AP2B1: variants seen among roughly 807,000 people sequenced by gnomAD.
The protein encoded by AP2B1 is AP-2 complex subunit beta.
In AP2B1, 23 loss-of-function variants were observed where a neutral mutation model predicts 102.0. That is an observed-to-expected ratio of 0.23 (90% CI 0.16 to 0.32). The LOEUF (loss-of-function observed/expected upper bound fraction) is 0.32. Among genes scored for constraint, AP2B1 ranks in the 10% least tolerant of loss-of-function variants. The pLI is 1.00. For missense variants in AP2B1, 541 were observed against 1,157.4 expected (o/e 0.47, Z 7.73); for synonymous variants, 381 against 421.2 (o/e 0.90, Z 1.17).
intron 21 of AP2B1, among the ~76,000 whole-genome samples, chr17:35,722,099 C>T (rs2085412571): frequency 6.6e-6 from 1 of 152,084 alleles, no homozygotes; most frequent in Admixed American, 6.5e-5. Flanking sequence ...AAAAAAATAG[C>T]TGGGTATGGT....
chr17:35,663,859 C>T (rs573499710), intron 14 of AP2B1, among the ~76,000 whole-genome samples: 416 of 152,302 alleles, frequency 2.7e-3, no homozygotes, highest in South Asian at 5.2e-3. Flanking sequence ...GAAGTGTGTT[C>T]ATTCATGAAG....
Position 35,605,726 on chromosome 17 carries a change from G to A in AP2B1, c.165G>A (p.Val55=). 6.2e-7 allele frequency: 1 copy of A among 1,613,168 alleles called. No individual in the cohort carries two copies. Among genetic ancestry groups the A allele is most frequent in the Non-Finnish European group, 8.5e-7 (1 of 1,179,554 alleles). ...TCAGTTCTCTCTTTCCAGACGTAGT[G>A]AACTGTATGCAGACTGACAATCTGG... The part of the protein sequence containing the change: ...KDVSSLFPDV[V]NCMQTDNLEL... The change falls in exon 4 of 22, where the codon GTG becomes GTA. Residue 55 remains valine, a synonymous_variant. Transcript: ENST00000610402.
intron 13 of AP2B1, among the ~76,000 whole-genome samples, chr17:35,653,436 A>G (rs2075139186): frequency 6.6e-6 from 1 of 152,170 alleles, no homozygotes; most frequent in Non-Finnish European, 1.5e-5. Context: ...TCTGACTGCC[A>G]GTCCCTTGGT....
At chr17:35,645,741 C>T (rs1234166872) in intron 12 of AP2B1, among the ~76,000 whole-genome samples, 4 of 151,988 alleles carry the variant, frequency 2.6e-5, no homozygotes, top group Non-Finnish European at 4.4e-5. Flanking sequence ...CCCAACTACT[C>T]GGGAGGCTGA....
At chr17:35,612,627 G>C (rs148573630) in intron 5 of AP2B1, among the ~76,000 whole-genome samples, 10 of 152,204 alleles carry the variant, frequency 6.6e-5, no homozygotes, top group African/African-American at 2.2e-4. Context: ...TTAAAGCAGA[G>C]GTTATTCCAT....
intron 5 of AP2B1, among the ~76,000 whole-genome samples, chr17:35,617,737 G>A (rs2074064408): frequency 6.6e-6 from 1 of 152,126 alleles, no homozygotes; most frequent in Non-Finnish European, 1.5e-5. Flanking sequence ...TAATTTGGCT[G>A]GGGAATACTT....
intron 14 of AP2B1, among the ~76,000 whole-genome samples, chr17:35,663,488 A>G (rs528935645): frequency 2.0e-5 from 3 of 152,306 alleles, no homozygotes; most frequent in East Asian, 1.9e-4. Flanking sequence ...TACACTTTAT[A>G]CTGTCCTATG....
At chr17:35,643,957 C>A (rs1001537837) in intron 12 of AP2B1, among the ~76,000 whole-genome samples, 4 of 152,200 alleles carry the variant, frequency 2.6e-5, no homozygotes, top group Non-Finnish European at 5.9e-5. Flanking sequence ...TTAACAATCT[C>A]CCATGGAAAC....
intron 1 of AP2B1, among the ~76,000 whole-genome samples, chr17:35,588,422 G>T (rs1180061517): frequency 2.6e-5 from 4 of 152,168 alleles, no homozygotes; most frequent in African/African-American, 9.7e-5. Context: ...GATTACAGGC[G>T]TGAGCCAGCG....
chr17:35,608,915 C>A (rs374456458), intron 5 of AP2B1, among the ~76,000 whole-genome samples: 26 of 152,108 alleles, frequency 1.7e-4, no homozygotes, highest in African/African-American at 6.3e-4. Flanking sequence ...TCCTTATTGA[C>A]ATTTTAAACT....
intron 18 of AP2B1, among the ~76,000 whole-genome samples, chr17:35,696,510 C>T (rs2076144643): frequency 1.3e-5 from 2 of 151,214 alleles, no homozygotes; most frequent in Non-Finnish European, 2.9e-5. Context: ...CAGGTTCAGC[C>T]TCCCGAGTAG....
chr17:35,683,855 C>T (rs1323600410), intron 18 of AP2B1, among the ~76,000 whole-genome samples: 4 of 152,148 alleles, frequency 2.6e-5, no homozygotes, highest in Non-Finnish European at 5.9e-5. Context: ...GGGCAGCTCC[C>T]TCAAAGAAAG....
intron 18 of AP2B1, among the ~76,000 whole-genome samples, chr17:35,705,068 T>C (rs1009126247): frequency 4.6e-5 from 7 of 152,032 alleles, no homozygotes; most frequent in Admixed American, 3.9e-4. Context: ...ATAAAAAAGG[T>C]ACAAAGCTGT....
chr17:35,607,387 G>C (rs551781031), intron 4 of AP2B1, among the ~76,000 whole-genome samples: 1 of 152,148 alleles, frequency 6.6e-6, no homozygotes, highest in Admixed American at 6.6e-5. Context: ...GAGTCAGAAC[G>C]TAACAGTTTG....
At position 35,641,862 on chromosome 17, in the gene AP2B1, A is replaced by AC; in HGVS notation, c.1438-15_1438-14insC. The AC allele has an allele frequency of 6.3e-7, 1 of 1,588,720 alleles. No homozygotes were observed. Among genetic ancestry groups the AC allele is most frequent in the Non-Finnish European group, 8.6e-7 (1 of 1,160,362 alleles). On this transcript the variant is annotated splice_polypyrimidine_tract_variant and intron_variant, in intron 11 of 21. Coordinates refer to ENST00000610402, the MANE Select transcript of AP2B1 (RefSeq NM_001030006.2). Reference sequence around the variant, plus strand: ...GTGCCATTCTTTCACACTATCACAAATTATGTCTGTTTAGGTGCAGCTCAC... The same window carrying AC: ...GTGCCATTCTTTCACACTATCACAAACTTATGTCTGTTTAGGTGCAGCTCAC...
chr17:35,716,759 CATCA>C (rs1852850658), intron 20 of AP2B1, among the ~76,000 whole-genome samples: 1 of 152,152 alleles, frequency 6.6e-6, no homozygotes, highest in Admixed American at 6.5e-5. Context: ...TGGATGTGGT[CATCA>C]GTCTGTGTGT....
chr17:35,660,038 T>A (rs2075322689), intron 14 of AP2B1: 1 of 985,296 alleles, frequency 1.0e-6, no homozygotes, highest in Non-Finnish European at 1.2e-6. Flanking sequence ...AAGAGAAGAT[T>A]AATCCTCAAA....
At chr17:35,710,154 GA>G (rs2143007977) in intron 19 of AP2B1, 79 bp from the exon 20 acceptor site, 5 of 1,018,708 alleles carry the variant, frequency 4.9e-6, no homozygotes, top group African/African-American at 1.6e-5. Flanking sequence ...CATGCCAAAG[GA>G]AAAATGATGC....
At chr17:35,661,972 A>T (rs2075367371) in intron 14 of AP2B1, among the ~76,000 whole-genome samples, 1 of 152,190 alleles carries the variant, frequency 6.6e-6, no homozygotes, top group Admixed American at 6.5e-5. Flanking sequence ...GGAAATACTT[A>T]TCAATTTATT....
Sources: gnomAD v4.1 joint callset for allele counts (sites outside exome capture counted in the v4.1 genomes callset) on GRCh38, gnomAD v4.1.1 for gene constraint, MANE v1.5 for transcripts, NCBI Gene and HGNC (gene_info 2026-07-23, HGNC 2026-07-21) for gene names.